CSRNP3: variants seen among roughly 807,000 people sequenced by gnomAD.
CSRNP3 encodes cysteine and serine rich nuclear protein 3.
Under a neutral mutation model 48.0 loss-of-function variants are expected in CSRNP3, and 12 were observed. The observed-to-expected ratio is 0.25, with a 90% CI of 0.16 to 0.41. The LOEUF is 0.41. Among genes scored for constraint, CSRNP3 ranks in the 10% least tolerant of loss-of-function variants. The probability of loss-of-function intolerance (pLI) is 1.00; values close to 1 mark genes in which losing one functional copy is unlikely to be tolerated. For missense variants in CSRNP3, 580 were observed against 724.4 expected (o/e 0.80, Z 2.29); for synonymous variants, 263 against 269.7 (o/e 0.98, Z 0.24).
Position 165,687,410 on chromosome 2 carries a change from T to A in CSRNP3, c.*7657T>A, listed in dbSNP as rs1031992765. The A allele has an allele frequency of 1.8e-4, 27 of 152,114 alleles. No individual in the cohort carries two copies. Among genetic ancestry groups the A allele is most frequent in the Non-Finnish European group, 5.9e-5 (4 of 67,990 alleles). The allele number at this position is 152,114 out of a possible 1,614,324, so 9.4% of individuals were successfully genotyped here. On this transcript the variant is annotated 3_prime_UTR_variant, in exon 7 of 7. Transcript: ENST00000651982. ...AGATCCCCAGTACAAACATCAGAAC[T>A]AGGATCAAATGACTTGACTTTTAAG... is the stretch of plus-strand genomic sequence containing the variant.
In CSRNP3 at chr2:165,685,134, G is replaced by A. The variant is rs1426537981; in HGVS notation, c.*5381G>A. 3 of 151,982 alleles carry A rather than the reference G, an allele frequency of 2.0e-5. No individual in the cohort carries two copies. Among genetic ancestry groups the A allele is most frequent in the Non-Finnish European group, 2.9e-5 (2 of 67,960 alleles). 9.4% of individuals were successfully genotyped at this position (151,982 alleles called of 1,614,324 possible). A position where few individuals can be genotyped will look rare whatever the true frequency, so the allele number is the denominator to read the frequency against. ...TAAGTGATCAATGACTTTCATGATT[G>A]TCAAAAGTAAAAAGTGCAGACATTT... On this transcript the variant is annotated 3_prime_UTR_variant, in exon 7 of 7. Transcript: ENST00000651982.
At chr2:165,515,353 A>G (rs1040638143) in intron 2 of CSRNP3, among the ~76,000 whole-genome samples, 1 of 150,222 alleles carries the variant, frequency 6.7e-6, no homozygotes, top group Non-Finnish European at 1.5e-5. Flanking sequence ...ATATATATAT[A>G]TATCTGTAAA....
chr2:165,657,328 T>A (rs1019749998), intron 4 of CSRNP3, among the ~76,000 whole-genome samples: 2 of 152,204 alleles, frequency 1.3e-5, no homozygotes, highest in African/African-American at 4.8e-5. Context: ...ATTAATTTCT[T>A]ACTGTGCCTT....
intron 3 of CSRNP3, among the ~76,000 whole-genome samples, chr2:165,523,649 G>T (rs1424227822): frequency 1.3e-5 from 2 of 151,986 alleles, no homozygotes; most frequent in Non-Finnish European, 2.9e-5. Context: ...ACATCTTGTG[G>T]ATCTTTTTGT....
At chr2:165,536,575 A>G (rs1030055526) in intron 3 of CSRNP3, among the ~76,000 whole-genome samples, 3 of 151,874 alleles carry the variant, frequency 2.0e-5, no homozygotes, top group Non-Finnish European at 4.4e-5. Context: ...CTGGGTGTTT[A>G]TTGACCTCAC....
At chr2:165,490,944 C>T (rs1196923857) in intron 1 of CSRNP3, among the ~76,000 whole-genome samples, 1 of 138,652 alleles carries the variant, frequency 7.2e-6, no homozygotes, top group Non-Finnish European at 1.6e-5. Context: ...CCAAAATTGA[C>T]AAATGGGATC....
chr2:165,479,935 G>A (rs1684017876), intron 1 of CSRNP3, among the ~76,000 whole-genome samples: 1 of 152,046 alleles, frequency 6.6e-6, no homozygotes, highest in Admixed American at 6.6e-5. Context: ...TTTGTTCAGG[G>A]CCTCACAAGG....
At chr2:165,647,857 G>T (rs1686838997) in intron 4 of CSRNP3, among the ~76,000 whole-genome samples, 1 of 152,140 alleles carries the variant, frequency 6.6e-6, no homozygotes, top group South Asian at 2.1e-4. Context: ...AGGCTAGGCT[G>T]TTACGATGTT....
chr2:165,529,201 A>G (rs1174757400), intron 3 of CSRNP3, among the ~76,000 whole-genome samples: 1 of 152,196 alleles, frequency 6.6e-6, no homozygotes, highest in East Asian at 1.9e-4. Context: ...TTGGGAAGGC[A>G]TAATTGGTTT....
chr2:165,668,397 C>CTTT (rs1465526682), intron 5 of CSRNP3, among the ~76,000 whole-genome samples: 4 of 114,438 alleles, frequency 3.5e-5, no homozygotes, highest in African/African-American at 1.4e-4. Context: ...TTCTTTCTTT[C>CTTT]TTTCTTTTTT....
intron 5 of CSRNP3, among the ~76,000 whole-genome samples, chr2:165,658,284 A>G (rs189316753): frequency 3.3e-5 from 5 of 152,322 alleles, no homozygotes; most frequent in African/African-American, 1.2e-4. Context: ...GGCTAGGGCT[A>G]GTAGGAGACC....
intron 4 of CSRNP3, among the ~76,000 whole-genome samples, chr2:165,601,804 G>A (rs1044282565): frequency 6.6e-6 from 1 of 152,064 alleles, no homozygotes; most frequent in Non-Finnish European, 1.5e-5. Context: ...TTCATAATGG[G>A]ATTAGACATA....
rs1433512906 is a variant in CSRNP3, at chr2:165,487,445, C to T, written c.-282-7314C>T. Among the ~76,000 whole-genome samples, 27 of 135,452 alleles carry T rather than the reference C, an allele frequency of 2.0e-4. No individual in the cohort carries two copies. The South Asian group carries it at 5.5e-3, about 28-fold the overall frequency. 88.9% of individuals were successfully genotyped at this position (135,452 alleles called of 152,430 possible). A position where few individuals can be genotyped will look rare whatever the true frequency, so the allele number is the denominator to read the frequency against. On this transcript the variant is annotated intron_variant, in intron 1 of 6. Coordinates refer to ENST00000651982, the MANE Select transcript of CSRNP3 (RefSeq NM_001172173.2). ...GTTCAGATTCAGGAAATACAGAGAA[C>T]GCCACAAAGATACTCCTCGAGAAGA...
chr2:165,602,017 C>T (rs1024129331), intron 4 of CSRNP3, among the ~76,000 whole-genome samples: 6 of 152,040 alleles, frequency 3.9e-5, no homozygotes, highest in Non-Finnish European at 8.8e-5. Context: ...TACAACTTGG[C>T]GATACAGTGA....
chr2:165,595,039 A>G lies in CSRNP3; in HGVS notation c.-23-4A>G, dbSNP rs1685786647. The G allele has an allele frequency of 6.2e-7, 1 of 1,612,410 alleles. No individual in the cohort carries two copies. The highest frequency in any genetic ancestry group is 1.1e-5 in the South Asian group (1 of 90,938). On this transcript the variant is annotated splice_polypyrimidine_tract_variant and splice_region_variant and intron_variant, in intron 3 of 6. Transcript: ENST00000651982. ...ATGCTCTGTTGCTCTCCTTCCTGTTACAGGTACATGTGACAGCACTGCAGC... is the reference window on the plus strand; with the variant it reads ...ATGCTCTGTTGCTCTCCTTCCTGTTGCAGGTACATGTGACAGCACTGCAGC...
chr2:165,613,673 T>C (rs1686178342), intron 4 of CSRNP3, among the ~76,000 whole-genome samples: 1 of 152,194 alleles, frequency 6.6e-6, no homozygotes, highest in Admixed American at 6.5e-5. Context: ...CCCCATTGTA[T>C]GTTCTTGCCA....
intron 3 of CSRNP3, chr2:165,574,094 C>T (rs911538528): frequency 2.3e-6 from 1 of 438,876 alleles, no homozygotes; most frequent in Non-Finnish European, 4.1e-6. Context: ...CCCGTGCCCA[C>T]TCCCCATCCT....
chr2:165,663,568 T>C (rs1687131563), intron 5 of CSRNP3, among the ~76,000 whole-genome samples: 1 of 152,220 alleles, frequency 6.6e-6, no homozygotes, highest in Non-Finnish European at 1.5e-5. Flanking sequence ...TCTTTCAAAA[T>C]ATTGTTGGTG....
At chr2:165,540,790 C>A (rs1048519522) in intron 3 of CSRNP3, among the ~76,000 whole-genome samples, 2 of 152,048 alleles carry the variant, frequency 1.3e-5, no homozygotes. Flanking sequence ...GGGTAATTCA[C>A]CTGCCTGGAT....
Sources: allele counts gnomAD v4.1 joint callset (sites outside exome capture counted in the v4.1 genomes callset), GRCh38; gene constraint gnomAD v4.1.1; transcripts MANE v1.5; gene names NCBI Gene and HGNC (gene_info 2026-07-23, HGNC 2026-07-21).